COL15A1: variants seen among roughly 807,000 people sequenced by gnomAD.
COL15A1 encodes the protein collagen alpha-1(XV) chain.
A neutral mutation model predicts 165.9 loss-of-function variants in COL15A1; 111 were observed. The ratio of observed to expected loss-of-function variants is 0.67; its 90% CI spans 0.57 to 0.78. The LOEUF (loss-of-function observed/expected upper bound fraction) is 0.78. COL15A1 is among the 30% of genes least tolerant of loss of function. The pLI, the probability that COL15A1 is intolerant of heterozygous loss-of-function variation, is 0.00. For missense variants in COL15A1, 1,745 were observed against 1,789.7 expected, an observed-to-expected ratio of 0.98 and a Z score of 0.45; for synonymous variants, 659 against 674.8, an observed-to-expected ratio of 0.98 and a Z score of 0.36.
intron 21 of COL15A1, among the ~76,000 whole-genome samples, chr9:99,036,959 C>A (rs1216686157): frequency 3.9e-5 from 6 of 152,224 alleles, no homozygotes; most frequent in Admixed American, 1.3e-4. Flanking sequence ...GTCCCTCCAC[C>A]TCACCACGGA....
chr9:99,067,925 T>A (rs761985419), intron 40 of COL15A1, among the ~76,000 whole-genome samples: 1 of 152,214 alleles, frequency 6.6e-6, no homozygotes, highest in South Asian at 2.1e-4. Flanking sequence ...AAGCTTAGTA[T>A]GTATGCATAA....
chr9:98,989,364 C>G (rs369175441), intron 5 of COL15A1, 106 bp downstream of exon 5: 3 of 887,804 alleles, frequency 3.4e-6, no homozygotes, highest in East Asian at 2.6e-5. Flanking sequence ...GTTTCCAGAC[C>G]TGTGAGCTTA....
intron 2 of COL15A1, among the ~76,000 whole-genome samples, chr9:98,985,134 G>A (rs906523620): frequency 9.9e-5 from 15 of 152,080 alleles, no homozygotes; most frequent in South Asian, 2.1e-4. Context: ...TCTCCAAGTC[G>A]ATGGGTGAAC....
At chr9:98,983,837 G>C (rs1838266935) in intron 2 of COL15A1, among the ~76,000 whole-genome samples, 1 of 152,220 alleles carries the variant, frequency 6.6e-6, no homozygotes, top group African/African-American at 2.4e-5. Flanking sequence ...ACTCAGACTT[G>C]GAGTGGTTCA....
chr9:98,976,386 A>T (rs1838142692), intron 2 of COL15A1, among the ~76,000 whole-genome samples: 1 of 152,174 alleles, frequency 6.6e-6, no homozygotes, highest in Non-Finnish European at 1.5e-5. Flanking sequence ...GAAAACTGAG[A>T]TCAGGGAGGG....
chr9:99,027,827 G>A (rs901361625), intron 16 of COL15A1, among the ~76,000 whole-genome samples: 9 of 152,196 alleles, frequency 5.9e-5, no homozygotes, highest in Non-Finnish European at 1.0e-4. Flanking sequence ...TGGAGAGCTG[G>A]CAGGAAACTT....
At position 98,950,502 on chromosome 9, in the gene COL15A1, T is replaced by C. The variant is rs1277600662; in HGVS notation, c.100+6252T>C. 3.5e-5 allele frequency among the ~76,000 whole-genome samples: 4 copies of C among 112,764 alleles called. No homozygotes were observed. The Admixed American group carries it at 4.4e-4, about 12-fold the overall frequency. The allele number at this position is 112,764 out of a possible 152,430, so 74.0% of individuals were successfully genotyped here. On this transcript the variant is annotated intron_variant, in intron 2 of 41. Coordinates refer to ENST00000375001, the MANE Select transcript of COL15A1 (RefSeq NM_001855.5). Reference sequence around the variant, plus strand: ...TTCCCTCCTTCCTTCCCTCCCTCCCTTCCTTCCTTCCTTCCCTTCCCTTCC... The same window carrying C: ...TTCCCTCCTTCCTTCCCTCCCTCCCCTCCTTCCTTCCTTCCCTTCCCTTCC...
At chr9:98,975,821 GA>G (rs898319607) in intron 2 of COL15A1, among the ~76,000 whole-genome samples, 35 of 152,216 alleles carry the variant, frequency 2.3e-4, no homozygotes, top group African/African-American at 7.5e-4. Context: ...GAGGAGGGGG[GA>G]TGACTTTGGC....
chr9:99,060,253 TATA>T (rs1450244535), intron 36 of COL15A1, among the ~76,000 whole-genome samples: 1 of 128,928 alleles, frequency 7.8e-6, no homozygotes, highest in African/African-American at 3.6e-5. Context: ...TATATATATA[TATA>T]TTTTTTTTTT....
At chr9:99,039,592 G>A (rs1254364540) in intron 22 of COL15A1, among the ~76,000 whole-genome samples, 1 of 152,202 alleles carries the variant, frequency 6.6e-6, no homozygotes, top group Non-Finnish European at 1.5e-5. Context: ...GCCCTAAGAT[G>A]AAGGAAGCTT....
chr9:99,015,235 T>C (rs1838909530), intron 9 of COL15A1, among the ~76,000 whole-genome samples, 182 bp from the exon 10 acceptor site: 1 of 152,124 alleles, frequency 6.6e-6, no homozygotes, highest in Non-Finnish European at 1.5e-5. Context: ...GAGGATGCCC[T>C]GAAAGGTACG....
At chr9:99,012,654 G>A (rs1838864725) in intron 9 of COL15A1, among the ~76,000 whole-genome samples, 1 of 151,544 alleles carries the variant, frequency 6.6e-6, no homozygotes, top group African/African-American at 2.4e-5. Context: ...GCCTGAAAGA[G>A]GGTCATTCTC....
chr9:99,024,948 AC>A lies in COL15A1; in HGVS notation c.1934del (p.Pro645LeufsTer33). On this transcript the variant is annotated frameshift_variant, in exon 15 of 42. Coordinates refer to ENST00000375001, the MANE Select transcript of COL15A1 (RefSeq NM_001855.5). LOFTEE classifies it high-confidence loss of function. ...GKPGTDVFMG[P>X]PGSPGEDGPA... ...AACCAGGAACTGATGTTTTCATGGGACCCCCTGGATCTCCTGGAGAGGATGG... is the reference window on the plus strand; with the variant it reads ...AACCAGGAACTGATGTTTTCATGGGACCCCTGGATCTCCTGGAGAGGATGG... 6.2e-7 allele frequency: 1 copy of A among 1,613,654 alleles called. No individual in the cohort carries two copies. The highest frequency in any genetic ancestry group is 8.5e-7 in the Non-Finnish European group (1 of 1,179,802).
chr9:99,020,586 G>C, intron 12 of COL15A1, 144 bp downstream of exon 12: 1 of 633,170 alleles, frequency 1.6e-6, no homozygotes, highest in South Asian at 1.9e-5. Flanking sequence ...TGGACTTGTA[G>C]GTCTGGGAGA....
chr9:98,956,457 A>G (rs750084061), intron 2 of COL15A1, among the ~76,000 whole-genome samples: 1 of 152,234 alleles, frequency 6.6e-6, no homozygotes, highest in Non-Finnish European at 1.5e-5. Context: ...ACACACATGC[A>G]TATCCACATA....
rs759801094 is a variant in COL15A1, at chr9:98,971,736, G to A, written c.101-13829G>A. On this transcript the variant is annotated intron_variant, in intron 2 of 41. Transcript: ENST00000375001. The stretch of plus-strand genomic sequence containing the variant: ...AACTGCTGCCAGGACTGAGGGGTCC[G>A]CGTGTGTGCGCATGCACGTGGGCAT... Among the ~76,000 whole-genome samples the A allele has an allele frequency of 7.9e-5, 12 of 152,356 alleles. No individual in the cohort carries two copies. The East Asian group carries it at 1.5e-3, about 20-fold the overall frequency.
chr9:99,054,323 A>G (rs16918174), intron 31 of COL15A1, among the ~76,000 whole-genome samples: 1 of 152,140 alleles, frequency 6.6e-6, no homozygotes, highest in African/African-American at 2.4e-5. Context: ...GTGAGAGCAC[A>G]TATTTCATCT....
intron 16 of COL15A1, among the ~76,000 whole-genome samples, chr9:99,028,281 G>A (rs1839161771): frequency 6.6e-6 from 1 of 152,030 alleles, no homozygotes; most frequent in Non-Finnish European, 1.5e-5. Context: ...ATGAGATTGA[G>A]ATCAAAACAT....
intron 12 of COL15A1, among the ~76,000 whole-genome samples, 169 bp downstream of exon 12, chr9:99,020,611 A>C (rs1219134550): frequency 1.3e-5 from 2 of 152,228 alleles, no homozygotes; most frequent in East Asian, 3.8e-4. Context: ...GGAAAAGGGC[A>C]CTGGGCAGTT....
Sources: gnomAD v4.1 joint callset for allele counts (sites outside exome capture counted in the v4.1 genomes callset) on GRCh38, gnomAD v4.1.1 for gene constraint, MANE v1.5 for transcripts, NCBI Gene and HGNC (gene_info 2026-07-23, HGNC 2026-07-21) for gene names.